GMDS: variants seen among roughly 807,000 people sequenced by gnomAD.
GMDS encodes the protein GDP-mannose 4,6-dehydratase.
Under a neutral mutation model 49.9 loss-of-function variants are expected in GMDS, and 20 were observed. The observed-to-expected ratio is 0.40, with a 90% CI of 0.28 to 0.58. The LOEUF (loss-of-function observed/expected upper bound fraction) is 0.58. Among genes scored for constraint, GMDS ranks in the 20% least tolerant of loss-of-function variants. GMDS has a pLI of 0.42. For missense variants in GMDS, 362 were observed against 481.4 expected (o/e 0.75, Z 2.32); for synonymous variants, 177 against 178.6 (o/e 0.99, Z 0.07).
At chr6:2,201,575 A>G (rs1779535861) in intron 1 of GMDS, among the ~76,000 whole-genome samples, 1 of 127,640 alleles carries the variant, frequency 7.8e-6, no homozygotes, top group African/African-American at 3.0e-5. Context: ...TGAGGGCAGC[A>G]TGTTAGCAGA....
chr6:1,833,974 CATGT>C lies in GMDS; in HGVS notation c.772-91392_772-91389del, dbSNP rs1756802967. ...ATTCTTACTCACTCAAAAATGAAGA[CATGT>C]ATATACAAACATAACTGAATCACAA... On this transcript the variant is annotated intron_variant, in intron 7 of 10. Transcript: ENST00000380815. This position sits in a 1 kb window ranked among gnomAD's most constrained non-coding sequence, Gnocchi z 4.4. Among the ~76,000 whole-genome samples, 1 of 152,224 alleles carries C rather than the reference CATGT, an allele frequency of 6.6e-6. No homozygotes were observed. The highest frequency in any genetic ancestry group is 6.5e-5 in the Admixed American group (1 of 15,282).
intron 4 of GMDS, among the ~76,000 whole-genome samples, chr6:1,996,465 T>C (rs1766287889): frequency 6.6e-6 from 1 of 152,244 alleles, no homozygotes; most frequent in African/African-American, 2.4e-5. Context: ...ATAGAAAAGC[T>C]AGAGAAGTTT....
At chr6:2,234,827 T>G (rs1179907601) in intron 1 of GMDS, among the ~76,000 whole-genome samples, 1 of 152,132 alleles carries the variant, frequency 6.6e-6, no homozygotes, top group Admixed American at 6.5e-5. Context: ...GCAAGAAGTT[T>G]ACGGTCACTC....
chr6:2,102,649 C>G (rs150188466), intron 4 of GMDS, among the ~76,000 whole-genome samples: 2 of 152,176 alleles, frequency 1.3e-5, no homozygotes, highest in African/African-American at 4.8e-5. Flanking sequence ...AGAAAAAGTA[C>G]GCAGTCACCT....
chr6:2,175,980 TG>T (rs1424992915), intron 1 of GMDS: 16 of 1,533,952 alleles, frequency 1.0e-5, no homozygotes, highest in Non-Finnish European at 1.4e-5. Flanking sequence ...CCCAACAAAC[TG>T]CCTGTGTACA....
rs530703210 is a variant in GMDS at position 2,053,347 on chromosome 6, A to T, written c.345+62424T>A. On this transcript the variant is annotated intron_variant, in intron 4 of 10. Coordinates refer to ENST00000380815, the MANE Select transcript of GMDS (RefSeq NM_001500.4). Reference sequence around the variant, plus strand: ...CAGTTTCCATGTCTGGTCTTGACAAAGGGAAAGTACAATAAATTAAGAAAT... The same window carrying T: ...CAGTTTCCATGTCTGGTCTTGACAATGGGAAAGTACAATAAATTAAGAAAT... Among the ~76,000 whole-genome samples, 66 of 152,208 alleles carry T rather than the reference A, an allele frequency of 4.3e-4. 1 individual carries two copies. Among genetic ancestry groups the T allele is most frequent in the African/African-American group, 1.5e-3 (63 of 41,570 alleles).
intron 7 of GMDS, among the ~76,000 whole-genome samples, chr6:1,767,654 G>A (rs1768410778): frequency 6.6e-6 from 1 of 152,198 alleles, no homozygotes. Context: ...TCTGGAGCGA[G>A]TTTCTCTGCA....
intron 7 of GMDS, among the ~76,000 whole-genome samples, chr6:1,898,343 A>G (rs1760325943): frequency 6.6e-6 from 1 of 152,262 alleles, no homozygotes; most frequent in African/African-American, 2.4e-5. Context: ...GAATTGCAAG[A>G]TACCTTAGAA....
chr6:2,086,826 T>C (rs1773043772), intron 4 of GMDS, among the ~76,000 whole-genome samples: 1 of 152,238 alleles, frequency 6.6e-6, no homozygotes, highest in Non-Finnish European at 1.5e-5. Flanking sequence ...TCAGGCCGAC[T>C]ATAATAGTTT....
intron 4 of GMDS, among the ~76,000 whole-genome samples, chr6:2,086,418 G>A (rs1049021453): frequency 2.6e-5 from 4 of 152,190 alleles, no homozygotes; most frequent in Admixed American, 2.6e-4. Flanking sequence ...ATTCTAATAC[G>A]ATACAGAGAG....
chr6:1,724,813 T>C (rs1234806516), intron 9 of GMDS, among the ~76,000 whole-genome samples: 1 of 152,144 alleles, frequency 6.6e-6, no homozygotes, highest in East Asian at 1.9e-4. Context: ...CATCCTCTCC[T>C]AGGCACACCC....
intron 4 of GMDS, among the ~76,000 whole-genome samples, chr6:1,992,986 T>C (rs1375917112): frequency 2.0e-5 from 3 of 152,228 alleles, no homozygotes; most frequent in Non-Finnish European, 4.4e-5. Context: ...TGAAATAGTT[T>C]ATGAATGAAA....
At chr6:1,734,426 C>G (rs898745373) in intron 8 of GMDS, among the ~76,000 whole-genome samples, 1 of 152,202 alleles carries the variant, frequency 6.6e-6, no homozygotes, top group Non-Finnish European at 1.5e-5. Flanking sequence ...CAGGCAAGTA[C>G]CATCATCTGC....
chr6:1,756,345 C>T (rs1767944462), intron 7 of GMDS, among the ~76,000 whole-genome samples: 2 of 151,076 alleles, frequency 1.3e-5, no homozygotes, highest in Non-Finnish European at 2.9e-5. Flanking sequence ...CTCACTGCAA[C>T]CTCCGCCTCC....
chr6:1,904,636 T>C (rs1320390348), intron 7 of GMDS, among the ~76,000 whole-genome samples: 1 of 152,180 alleles, frequency 6.6e-6, no homozygotes, highest in Non-Finnish European at 1.5e-5. Context: ...GCGTGGGTTG[T>C]CAGAACAGTG....
At chr6:1,938,803 C>G (rs1762668094) in intron 6 of GMDS, among the ~76,000 whole-genome samples, 1 of 152,038 alleles carries the variant, frequency 6.6e-6, no homozygotes, top group African/African-American at 2.4e-5. Flanking sequence ...TTTCTACTCT[C>G]TTAATTTCTT....
chr6:1,960,803 G>T lies in GMDS; in HGVS notation c.509C>A (p.Thr170Asn). Residue 170 changes from threonine to asparagine, a missense_variant, in exon 5 of 11, where the codon ACC (threonine) becomes AAC (asparagine). Physicochemically the swap from Thr to Asn is moderately conservative, Grantham distance 65. Transcript: ENST00000380815. ...GGGTGACCGGGGATAGAAAGGGGTG[G>T]TCTCCTTCTGGGGTATTTCCTGCAC... ...GKVQEIPQKE[T>N]TPFYPRSPYG... 1 of 1,605,272 alleles carries T rather than the reference G, an allele frequency of 6.2e-7. No individual in the cohort carries two copies. Among genetic ancestry groups the T allele is most frequent in the Non-Finnish European group, 8.5e-7 (1 of 1,173,218 alleles).
chr6:1,961,874 G>A (rs1391491475), intron 4 of GMDS, among the ~76,000 whole-genome samples: 1 of 152,104 alleles, frequency 6.6e-6, no homozygotes, highest in Non-Finnish European at 1.5e-5. Flanking sequence ...GCTGTCCCCT[G>A]GCACATGCAA....
At chr6:1,865,599 G>GC (rs1384319238) in intron 7 of GMDS, among the ~76,000 whole-genome samples, 1 of 151,984 alleles carries the variant, frequency 6.6e-6, no homozygotes, top group African/African-American at 2.4e-5. Context: ...TACCAAACAA[G>GC]GAGACCTCAG....
Sources: allele counts gnomAD v4.1 joint callset (sites outside exome capture counted in the v4.1 genomes callset), GRCh38; gene constraint gnomAD v4.1.1; non-coding constraint Gnocchi (gnomAD v3.1); transcripts MANE v1.5; gene names NCBI Gene and HGNC (gene_info 2026-07-23, HGNC 2026-07-21).